The following MTX2 variants were observed in gnomAD, a reference collection of about 807,000 sequenced individuals.
The protein encoded by MTX2 is metaxin-2.
A neutral mutation model predicts 42.3 loss-of-function variants in MTX2; 35 were observed. That is an observed-to-expected ratio of 0.83 (90% CI 0.63 to 1.10). MTX2 has a LOEUF of 1.10. MTX2 is among the 50% of genes least tolerant of loss of function. MTX2 has a pLI of 0.00. For missense variants in MTX2, 307 were observed against 304.1 expected (o/e 1.01, Z -0.07); for synonymous variants, 119 against 100.9 (o/e 1.18, Z -1.08).
intron 3 of MTX2, among the ~76,000 whole-genome samples, chr2:176,303,887 G>A (rs1684083879): frequency 6.6e-6 from 1 of 152,006 alleles, no homozygotes; most frequent in Admixed American, 6.6e-5. Flanking sequence ...CACTCCTGTA[G>A]TTCTGAGAGA....
At chr2:176,311,766 G>A (rs1001890994) in intron 3 of MTX2, among the ~76,000 whole-genome samples, 2 of 152,264 alleles carry the variant, frequency 1.3e-5, no homozygotes, top group African/African-American at 4.8e-5. Flanking sequence ...GAAGAGCACA[G>A]TATTTGGGTG....
At chr2:176,328,478 G>A (rs1274483205) in intron 6 of MTX2, 93 bp downstream of exon 6, 1 of 802,810 alleles carries the variant, frequency 1.2e-6, no homozygotes, top group Non-Finnish European at 1.8e-6. Flanking sequence ...ATTGAGAAAT[G>A]GGAAAATAGT....
chr2:176,311,239 C>T (rs567164820), intron 3 of MTX2, among the ~76,000 whole-genome samples: 197 of 152,242 alleles, frequency 1.3e-3, no homozygotes, highest in African/African-American at 4.4e-3. Context: ...GGCTGCAGAA[C>T]GGCAAATATT....
chr2:176,276,896 A>G (rs1575030581), intron 1 of MTX2, among the ~76,000 whole-genome samples: 1 of 152,206 alleles, frequency 6.6e-6, no homozygotes, highest in Non-Finnish European at 1.5e-5. Context: ...AATAAGAACA[A>G]TATCTGTTCT....
chr2:176,314,545 T>G (rs535171183), intron 3 of MTX2, among the ~76,000 whole-genome samples: 103 of 152,306 alleles, frequency 6.8e-4, no homozygotes, highest in African/African-American at 2.2e-3. Flanking sequence ...TTCTGGAGTA[T>G]TATTAGTATA....
chr2:176,326,824 G>T lies in MTX2; in HGVS notation c.209-1G>T. The T allele has an allele frequency of 2.6e-6, 4 of 1,539,760 alleles. No individual in the cohort carries two copies. Among genetic ancestry groups the T allele is most frequent in the South Asian group, 1.2e-5 (1 of 81,380 alleles). Reference sequence around the variant, plus strand: ...TAAATACTTTTTTTTTCTCTCAACAGGTAAAGTACCTTTTATTCATGTGGG... The same window carrying T: ...TAAATACTTTTTTTTTCTCTCAACATGTAAAGTACCTTTTATTCATGTGGG... On this transcript the variant is annotated splice_acceptor_variant, in intron 4 of 9. Transcript: ENST00000249442. LOFTEE classifies it high-confidence loss of function.
intron 1 of MTX2, among the ~76,000 whole-genome samples, chr2:176,291,138 C>A (rs1693319833): frequency 6.6e-6 from 1 of 152,110 alleles, no homozygotes; most frequent in Non-Finnish European, 1.5e-5. Flanking sequence ...ATAAAACATA[C>A]ACTAAAAAAG....
intron 1 of MTX2, among the ~76,000 whole-genome samples, chr2:176,280,196 A>C (rs1187810587): frequency 3.3e-5 from 5 of 152,166 alleles, no homozygotes; most frequent in Non-Finnish European, 7.3e-5. Flanking sequence ...CAAATTGGAG[A>C]TATAGTGAGA....
chr2:176,314,250 A>G (rs1684384673), intron 3 of MTX2, among the ~76,000 whole-genome samples: 1 of 152,156 alleles, frequency 6.6e-6, no homozygotes, highest in Non-Finnish European at 1.5e-5. Flanking sequence ...AGCCTGGCCA[A>G]CATGGCAAAA....
chr2:176,298,115 A>T (rs924722095), intron 3 of MTX2, among the ~76,000 whole-genome samples: 38 of 144,944 alleles, frequency 2.6e-4, no homozygotes, highest in East Asian at 7.9e-4. Flanking sequence ...ATAAACATAA[A>T]TTTTTTTTTT....
intron 1 of MTX2, among the ~76,000 whole-genome samples, chr2:176,282,950 A>G (rs1316953296): frequency 2.0e-5 from 3 of 152,046 alleles, no homozygotes; most frequent in Non-Finnish European, 2.9e-5. Context: ...GATCTGCCCA[A>G]CTTGGCCTCC....
At chr2:176,300,230 AATTCTCTGTTACT>A (rs1428271134) in intron 3 of MTX2, among the ~76,000 whole-genome samples, 2 of 152,206 alleles carry the variant, frequency 1.3e-5, no homozygotes, top group South Asian at 4.1e-4. Context: ...CTTTGATAAT[AATTCTCTGTTACT>A]ATTCTCTGTT....
intron 8 of MTX2, among the ~76,000 whole-genome samples, chr2:176,330,051 A>T (rs1575062580): frequency 6.6e-6 from 1 of 151,164 alleles, no homozygotes; most frequent in South Asian, 2.1e-4. Context: ...CATCTCACTG[A>T]TGTGTGCCAT....
intron 1 of MTX2, among the ~76,000 whole-genome samples, chr2:176,290,183 G>A (rs1311400204): frequency 2.6e-5 from 4 of 152,046 alleles, no homozygotes; most frequent in Admixed American, 6.6e-5. Flanking sequence ...TGAACTTAAG[G>A]GGAACAATTT....
chr2:176,336,798 A>T (rs956653461), intron 9 of MTX2, among the ~76,000 whole-genome samples: 1 of 152,074 alleles, frequency 6.6e-6, no homozygotes, highest in Admixed American at 6.6e-5. Flanking sequence ...TTGTGGTAGG[A>T]TTTGTTTCTT....
intron 3 of MTX2, among the ~76,000 whole-genome samples, chr2:176,310,382 G>C (rs1273088195): frequency 6.6e-6 from 1 of 152,078 alleles, no homozygotes; most frequent in African/African-American, 2.4e-5. Context: ...GTGTGTTGGG[G>C]TTGCTCTTGT....
At chr2:176,323,552 C>T in intron 4 of MTX2, 88 bp downstream of exon 4, 1 of 1,249,584 alleles carries the variant, frequency 8.0e-7, no homozygotes, top group Non-Finnish European at 1.1e-6. Context: ...TGTTAAAATG[C>T]CTGATTTTTT....
intron 7 of MTX2, 89 bp downstream of exon 7, chr2:176,329,001 C>A: frequency 1.6e-6 from 2 of 1,226,100 alleles, no homozygotes; most frequent in Non-Finnish European, 2.4e-6. Flanking sequence ...ATAAATGAAA[C>A]ATTGTGGTTT....
chr2:176,297,168 G>A (rs1683907964), intron 2 of MTX2, among the ~76,000 whole-genome samples: 1 of 152,136 alleles, frequency 6.6e-6, no homozygotes. Context: ...TGCAGGAGCA[G>A]TTGGCAGATT....
Sources: allele counts gnomAD v4.1 joint callset (sites outside exome capture counted in the v4.1 genomes callset), GRCh38; gene constraint gnomAD v4.1.1; transcripts MANE v1.5; gene names NCBI Gene and HGNC (gene_info 2026-07-23, HGNC 2026-07-21).